KHDC4: variants seen among roughly 807,000 people sequenced by gnomAD.
The protein encoded by KHDC4 is KH homology domain-containing protein 4.
A neutral mutation model predicts 74.5 loss-of-function variants in KHDC4; 19 were observed. The observed-to-expected ratio is 0.26, with a 90% CI of 0.18 to 0.37. The LOEUF (loss-of-function observed/expected upper bound fraction) is 0.37, where lower values mean the gene tolerates loss of function less well. KHDC4 is among the 10% of genes least tolerant of loss of function. KHDC4 has a pLI of 1.00. For synonymous variants in KHDC4, 253 were observed against 266.1 expected (o/e 0.95, Z 0.48); for missense variants, 632 against 754.1 (o/e 0.84, Z 1.90).
chr1:155,924,682 TCCTA>T, intron 7 of KHDC4, among the ~76,000 whole-genome samples: 1 of 150,460 alleles, frequency 6.6e-6, no homozygotes, highest in Non-Finnish European at 1.5e-5. Context: ...CAAGCAATTC[TCCTA>T]CCTCAGCCTG....
intron 1 of KHDC4, 46 bp downstream of exon 1, chr1:155,934,290 C>T: frequency 6.3e-7 from 1 of 1,598,046 alleles, no homozygotes; most frequent in African/African-American, 1.3e-5. Context: ...TCCGCCTCTC[C>T]TGCGCCCCAG....
chr1:155,916,942 TA>T (rs1673745295), intron 11 of KHDC4: 3 of 443,902 alleles, frequency 6.8e-6, no homozygotes, highest in Non-Finnish European at 1.2e-5. Context: ...AGGGGTGTTA[TA>T]ATTCATTATG....
chr1:155,919,909 C>T (rs751718222), intron 10 of KHDC4: 12 of 359,368 alleles, frequency 3.3e-5, no homozygotes, highest in South Asian at 2.7e-4. Context: ...TTTTGTTACA[C>T]ACTGTGCAAC....
chr1:155,917,303 G>C (rs1673753976), intron 11 of KHDC4, among the ~76,000 whole-genome samples, 196 bp downstream of exon 11: 1 of 152,110 alleles, frequency 6.6e-6, no homozygotes, highest in African/African-American at 2.4e-5. Flanking sequence ...CAAGAGCTTT[G>C]AGTGAGATGT....
intron 10 of KHDC4, chr1:155,919,820 TAATAAACA>T: frequency 6.1e-6 from 1 of 165,256 alleles, no homozygotes; most frequent in East Asian, 1.8e-4. Flanking sequence ...CAAAAAATAA[TAATAAACA>T]AAAATAAAAT....
Position 155,917,575 on chromosome 1 carries a change from C to T in KHDC4, c.1364G>A (p.Ser455Asn). 4 of 1,046,456 alleles carry T rather than the reference C, an allele frequency of 3.8e-6. No homozygotes were observed. The highest frequency in any genetic ancestry group is 5.3e-6 in the Non-Finnish European group (4 of 761,144). 64.8% of individuals were successfully genotyped at this position (1,046,456 alleles called of 1,614,324 possible). The change falls in exon 11 of 14, where the codon AGT becomes AAT. Residue 455 changes from serine to asparagine, a missense_variant. Physicochemically the swap from Ser to Asn is conservative, Grantham distance 46. Around this residue, in one of 4 missense-constraint regions of KHDC4, gnomAD observed 254 missense variants for 267.4 expected, o/e 0.95. Coordinates refer to ENST00000368321, the MANE Select transcript of KHDC4 (RefSeq NM_014949.4). ...PQPQPQPPLPSQPQAQKRRFT... is the reference protein window; with the variant it reads ...PQPQPQPPLPNQPQAQKRRFT... ...TCGTCTCTTCTGTGCCTGGGGCTGA[C>T]TTGGGAGTGGGGGCTGGGGCTGGGG...
intron 7 of KHDC4, among the ~76,000 whole-genome samples, chr1:155,924,230 G>A (rs931384544): frequency 5.9e-5 from 9 of 152,096 alleles, no homozygotes; most frequent in African/African-American, 1.9e-4. Context: ...GGCAGGAGGC[G>A]ACAGAATCTT....
At chr1:155,922,432 A>C (rs1673888570) in intron 8 of KHDC4, among the ~76,000 whole-genome samples, 1 of 152,236 alleles carries the variant, frequency 6.6e-6, no homozygotes, top group South Asian at 2.1e-4. Flanking sequence ...GGCATGAGCC[A>C]CCGTGTCCAA....
intron 8 of KHDC4, chr1:155,922,141 A>G (rs1353426016): frequency 2.2e-5 from 6 of 274,636 alleles, no homozygotes; most frequent in Non-Finnish European, 3.3e-5. Context: ...GTATCACTGC[A>G]AATCTTTTTT....
At chr1:155,929,663 A>G in intron 3 of KHDC4, 49 bp downstream of exon 3, 1 of 1,584,946 alleles carries the variant, frequency 6.3e-7, no homozygotes, top group South Asian at 1.2e-5. Flanking sequence ...GGTCTTCTTT[A>G]TCTGAATCCA....
chr1:155,921,982 A>T (rs1673874322), intron 8 of KHDC4, 64 bp from the exon 9 acceptor site: 1 of 984,336 alleles, frequency 1.0e-6, no homozygotes. Flanking sequence ...CAAGGGTCTG[A>T]TTACATAATT....
chr1:155,915,010 G>GT (rs1673701745), intron 13 of KHDC4: 1 of 152,208 alleles, frequency 6.6e-6, no homozygotes, highest in Admixed American at 6.5e-5. Context: ...GAAACAAAAG[G>GT]TTGTCTGTAT....
intron 10 of KHDC4, among the ~76,000 whole-genome samples, chr1:155,918,850 A>C (rs1162738775): frequency 6.6e-6 from 1 of 152,122 alleles, no homozygotes; most frequent in Admixed American, 6.6e-5. Flanking sequence ...GATTTTTATC[A>C]CTGTGCCCAT....
intron 4 of KHDC4, 34 bp from the exon 5 acceptor site, chr1:155,927,190 GTGGTC>G: frequency 6.3e-7 from 1 of 1,594,206 alleles, no homozygotes; most frequent in African/African-American, 1.3e-5. Flanking sequence ...TGATCTCAAT[GTGGTC>G]AAAACCAAAA....
chr1:155,922,145 C>CTT lies in KHDC4; in HGVS notation c.955-229_955-228dup, dbSNP rs4020748. The CTT allele has an allele frequency of 2.6e-4, 49 of 187,422 alleles. 1 individual carries two copies. The highest frequency in any genetic ancestry group is 9.6e-4 in the African/African-American group (28 of 29,022). 11.6% of individuals were successfully genotyped at this position (187,422 alleles called of 1,614,324 possible). ...GGCGCGATCTTGTATCACTGCAAATCTTTTTTTTTTTTTTTTTTTTGAGAC... is the reference window on the plus strand; with the variant it reads ...GGCGCGATCTTGTATCACTGCAAATCTTTTTTTTTTTTTTTTTTTTTTGAGAC... On this transcript the variant is annotated intron_variant, in intron 8 of 13. Transcript: ENST00000368321.
At chr1:155,928,720 A>C (rs1674078413) in intron 4 of KHDC4, among the ~76,000 whole-genome samples, 1 of 151,616 alleles carries the variant, frequency 6.6e-6, no homozygotes, top group African/African-American at 2.4e-5. Context: ...TGGGAGGCCG[A>C]GGGGGGTGGA....
At chr1:155,921,988 T>C in intron 8 of KHDC4, 70 bp from the exon 9 acceptor site, 1 of 928,130 alleles carries the variant, frequency 1.1e-6, no homozygotes, top group Non-Finnish European at 1.7e-6. Flanking sequence ...TCTGATTACA[T>C]AATTCTAGGA....
chr1:155,921,050 C>T (rs766519814), intron 10 of KHDC4, among the ~76,000 whole-genome samples: 2 of 152,196 alleles, frequency 1.3e-5, no homozygotes, highest in African/African-American at 4.8e-5. Context: ...CTACAACCAC[C>T]GAGTGTGATA....
At chr1:155,923,602 T>G in intron 8 of KHDC4, 25 bp downstream of exon 8, 10 of 1,573,590 alleles carry the variant, frequency 6.4e-6, no homozygotes, top group Non-Finnish European at 8.7e-6. Flanking sequence ...CTCTTCTGAA[T>G]GAGTATCAGA....
Sources: gnomAD v4.1 joint callset for allele counts (sites outside exome capture counted in the v4.1 genomes callset) on GRCh38, gnomAD v4.1.1 for gene constraint, gnomAD v4.1.1 regional missense constraint, MANE v1.5 for transcripts, NCBI Gene and HGNC (gene_info 2026-07-23, HGNC 2026-07-21) for gene names.